The following SMYD3 variants were observed in gnomAD, a reference collection of about 807,000 sequenced individuals.
SMYD3 encodes SET and MYND domain containing 3.
SMYD3 carries 36 observed loss-of-function variants against 57.7 expected under a neutral mutation model. The observed-to-expected ratio is 0.62, with a 90% confidence interval of 0.48 to 0.82. The LOEUF (loss-of-function observed/expected upper bound fraction) is 0.82. Among genes scored for constraint, SMYD3 ranks in the 40% least tolerant of loss-of-function variants. SMYD3 has a pLI of 0.00. For synonymous variants in SMYD3, 211 were observed against 195.0 expected (o/e 1.08, Z -0.68); for missense variants, 515 against 538.8 (o/e 0.96, Z 0.44).
At chr1:245,839,060 G>C (rs984375064) in intron 10 of SMYD3, among the ~76,000 whole-genome samples, 3 of 152,178 alleles carry the variant, frequency 2.0e-5, no homozygotes, top group African/African-American at 7.2e-5. Flanking sequence ...TGGCTTTCTG[G>C]GCGGTGAGCT....
At chr1:246,083,515 G>GGGTCCTCCATATGCTGAGCGCC (rs201949202) in intron 5 of SMYD3, among the ~76,000 whole-genome samples, 1 of 151,240 alleles carries the variant, frequency 6.6e-6, no homozygotes, top group African/African-American at 2.4e-5. Flanking sequence ...GTGCCGGCGC[G>GGGTCCTCCATATGCTGAGCGCC]GGTCCCCTGC....
At chr1:245,959,207 C>T (rs1057493416) in intron 5 of SMYD3, among the ~76,000 whole-genome samples, 2 of 152,142 alleles carry the variant, frequency 1.3e-5, no homozygotes, top group Non-Finnish European at 2.9e-5. Context: ...AGTGATTGAC[C>T]TGCCTCAGCC....
At position 246,307,941 on chromosome 1, in the gene SMYD3, T is replaced by C. The variant is rs12095850; in HGVS notation, c.531+19260A>G. On this transcript the variant is annotated intron_variant, in intron 5 of 11. Coordinates refer to ENST00000490107, the MANE Select transcript of SMYD3 (RefSeq NM_001167740.2). ...CTCAACTCCAGGTACCTCGGTAGCC[T>C]ATTTGCAATGGTGACTGTTAAATTC... Among the ~76,000 whole-genome samples the C allele has an allele frequency of 1.2e-3, 178 of 152,282 alleles. 2 individuals carry two copies. The highest frequency in any genetic ancestry group is 4.0e-3 in the African/African-American group (167 of 41,552).
At chr1:246,012,860 A>T (rs1322659408) in intron 5 of SMYD3, among the ~76,000 whole-genome samples, 2 of 152,220 alleles carry the variant, frequency 1.3e-5, no homozygotes, top group Non-Finnish European at 2.9e-5. Context: ...CACTTTGGGC[A>T]AATGACTGAG....
intron 5 of SMYD3, among the ~76,000 whole-genome samples, chr1:246,306,632 C>G (rs1175527376): frequency 6.6e-6 from 1 of 152,086 alleles, no homozygotes; most frequent in Non-Finnish European, 1.5e-5. Flanking sequence ...ATAAGTATTA[C>G]CAAAATTAAA....
intron 1 of SMYD3, among the ~76,000 whole-genome samples, chr1:246,464,091 T>C (rs1043148641): frequency 3.9e-5 from 6 of 152,226 alleles, no homozygotes; most frequent in South Asian, 2.1e-4. Flanking sequence ...GAAGAAGAGA[T>C]GGTACAGTAG....
intron 1 of SMYD3, among the ~76,000 whole-genome samples, chr1:246,469,589 G>A (rs1283708559): frequency 6.6e-6 from 1 of 151,252 alleles, no homozygotes; most frequent in South Asian, 2.1e-4. Context: ...AACAATAATG[G>A]AACAAATAGG....
chr1:246,265,756 A>G (rs12760011), intron 5 of SMYD3, among the ~76,000 whole-genome samples: 39,625 of 152,168 alleles, frequency 0.26, 5,790 homozygotes, highest in East Asian at 0.59. Flanking sequence ...TTCTCCTGTG[A>G]GAGCATCTTT....
At chr1:246,240,803 T>C (rs1336871537) in intron 5 of SMYD3, among the ~76,000 whole-genome samples, 1 of 152,230 alleles carries the variant, frequency 6.6e-6, no homozygotes, top group Non-Finnish European at 1.5e-5. Flanking sequence ...AACAGGTCCT[T>C]CACATTCCTT....
intron 5 of SMYD3, among the ~76,000 whole-genome samples, chr1:246,281,386 C>T (rs777051328): frequency 1.9e-4 from 29 of 152,218 alleles, no homozygotes; most frequent in Admixed American, 9.2e-4. Context: ...CAGTTAGGTG[C>T]TTTCCACACA....
intron 5 of SMYD3, among the ~76,000 whole-genome samples, chr1:246,270,080 A>G (rs2064192380): frequency 6.6e-6 from 1 of 152,218 alleles, no homozygotes; most frequent in Non-Finnish European, 1.5e-5. Flanking sequence ...ACGACAAACA[A>G]GGATTAACTT....
intron 5 of SMYD3, among the ~76,000 whole-genome samples, chr1:246,064,044 T>G (rs2060300713): frequency 6.6e-6 from 1 of 152,196 alleles, no homozygotes; most frequent in Non-Finnish European, 1.5e-5. Flanking sequence ...ACTTCTTCAC[T>G]GTCCCTCATC....
intron 1 of SMYD3, among the ~76,000 whole-genome samples, chr1:246,485,909 A>C (rs1446241253): frequency 6.6e-6 from 1 of 152,244 alleles, no homozygotes; most frequent in African/African-American, 2.4e-5. Context: ...TAAAACAGGA[A>C]TAATATAAAG....
intron 5 of SMYD3, among the ~76,000 whole-genome samples, chr1:246,263,216 G>C (rs6695050): frequency 0.21 from 31,584 of 152,048 alleles, 4,003 homozygotes; most frequent in East Asian, 0.58. Context: ...CCATTTACTA[G>C]CTACCTTATT....
chr1:246,367,776 GAA>G lies in SMYD3; in HGVS notation c.165-12684_165-12683del, dbSNP rs367595657. ...ATAAGTGAGGAATGTATCAGTCAGAGAAAAGTGATTTTTACCTTTTTTCCCTT... is the reference window on the plus strand; with the variant it reads ...ATAAGTGAGGAATGTATCAGTCAGAGAAGTGATTTTTACCTTTTTTCCCTT... On this transcript the variant is annotated intron_variant, in intron 1 of 11. Transcript: ENST00000490107. 3.1e-4 allele frequency among the ~76,000 whole-genome samples: 47 copies of G among 152,276 alleles called. 1 individual carries two copies. In the East Asian group the frequency reaches 8.9e-3, roughly 29 times the overall value.
At chr1:246,336,720 C>A (rs1414991951) in intron 2 of SMYD3, among the ~76,000 whole-genome samples, 1 of 152,100 alleles carries the variant, frequency 6.6e-6, no homozygotes, top group Non-Finnish European at 1.5e-5. Flanking sequence ...GGTATTATCC[C>A]TCTATTACAA....
At chr1:245,794,875 A>G (rs910803950) in intron 10 of SMYD3, among the ~76,000 whole-genome samples, 3 of 151,932 alleles carry the variant, frequency 2.0e-5, no homozygotes, top group Non-Finnish European at 4.4e-5. Context: ...TTGTCCCCCA[A>G]TCCCAGTGGA....
Position 246,286,384 on chromosome 1 carries a change from C to CA in SMYD3, c.531+40816dup, listed in dbSNP as rs574326820. ...TCACAAATCACCACACAGCTCCCAT[C>CA]AATGCCTCTTAAAAACAAATATTTT... On this transcript the variant is annotated intron_variant, in intron 5 of 11. Coordinates refer to ENST00000490107, the MANE Select transcript of SMYD3 (RefSeq NM_001167740.2). Among the ~76,000 whole-genome samples, 99 of 152,244 alleles carry CA rather than the reference C, an allele frequency of 6.5e-4. 2 individuals are homozygous for CA. The South Asian group carries it at 8.3e-3, about 13-fold the overall frequency.
intron 5 of SMYD3, among the ~76,000 whole-genome samples, chr1:246,017,064 A>C (rs1401698855): frequency 3.3e-5 from 5 of 152,204 alleles, no homozygotes; most frequent in Non-Finnish European, 4.4e-5. Flanking sequence ...AGAATAACAA[A>C]TGTCAGAACA....
Sources: gnomAD v4.1 joint callset for allele counts (sites outside exome capture counted in the v4.1 genomes callset) on GRCh38, gnomAD v4.1.1 for gene constraint, MANE v1.5 for transcripts, NCBI Gene and HGNC (gene_info 2026-07-23, HGNC 2026-07-21) for gene names.